The following GRIK1 variants were observed in gnomAD, a reference collection of about 807,000 sequenced individuals.
The protein encoded by GRIK1 is glutamate receptor ionotropic, kainate 1.
Under a neutral mutation model 105.7 loss-of-function variants are expected in GRIK1, and 69 were observed. The ratio of observed to expected loss-of-function variants is 0.65; its 90% confidence interval spans 0.54 to 0.80. The LOEUF (loss-of-function observed/expected upper bound fraction) is 0.80, where lower values mean the gene tolerates loss of function less well. Ranked by LOEUF, GRIK1 falls within the 30% of genes least tolerant of loss-of-function variation. The pLI, the probability that GRIK1 is intolerant of heterozygous loss-of-function variation, is 0.00. For synonymous variants in GRIK1, 438 were observed against 431.3 expected, an observed-to-expected ratio of 1.02 and a Z score of -0.19; for missense variants, 1,109 against 1,167.3, an observed-to-expected ratio of 0.95 and a Z score of 0.73.
chr21:29,836,722 T>G (rs949498928), intron 1 of GRIK1, among the ~76,000 whole-genome samples: 5 of 152,210 alleles, frequency 3.3e-5, no homozygotes, highest in African/African-American at 9.6e-5. Context: ...TCTCACATCA[T>G]GAGAAATCAG....
rs1402762027 is a variant in GRIK1, at chr21:29,767,884, GTGTGTGTGTGTGTGTGTGTA to G, written c.119-73841_119-73822del. Among the ~76,000 whole-genome samples the G allele has an allele frequency of 1.8e-4, 28 of 151,514 alleles. No homozygotes were observed. The East Asian group carries it at 5.4e-3, about 29-fold the overall frequency. ...AATTCATGTGTGTGTGTGTGTGTGT[GTGTGTGTGTGTGTGTGTGTA>G]TGTATTCCATGTAATGGAAAGACAA... is the stretch of plus-strand genomic sequence containing the variant. On this transcript the variant is annotated intron_variant, in intron 1 of 17. Transcript: ENST00000327783.
At position 29,821,133 on chromosome 21, in the gene GRIK1, G is replaced by C. The variant is rs201586862; in HGVS notation, c.118+118250C>G. Among the ~76,000 whole-genome samples, 44 of 151,610 alleles carry C rather than the reference G, an allele frequency of 2.9e-4. 1 individual carries two copies. In the East Asian group the frequency reaches 8.2e-3, roughly 28 times the overall value. On this transcript the variant is annotated intron_variant, in intron 1 of 17. Coordinates refer to ENST00000327783, the MANE Select transcript of GRIK1 (RefSeq NM_001330994.2). ...TCCTAACAGCCTACTGTTGACCAAAGGCCTTGCCCATAATATAAATGATTG... is the reference window on the plus strand; with the variant it reads ...TCCTAACAGCCTACTGTTGACCAAACGCCTTGCCCATAATATAAATGATTG...
At chr21:29,926,949 C>A (rs2071390123) in intron 1 of GRIK1, among the ~76,000 whole-genome samples, 1 of 152,220 alleles carries the variant, frequency 6.6e-6, no homozygotes, top group South Asian at 2.1e-4. Context: ...TTAATTGGAG[C>A]CTGGATGATA....
At chr21:29,661,590 A>G (rs954766098) in intron 4 of GRIK1, among the ~76,000 whole-genome samples, 3 of 152,250 alleles carry the variant, frequency 2.0e-5, no homozygotes, top group Non-Finnish European at 4.4e-5. Context: ...TTCCAAAAGG[A>G]AAGCAGACCT....
At chr21:29,605,004 T>A (rs1353562482) in intron 7 of GRIK1, among the ~76,000 whole-genome samples, 4 of 152,212 alleles carry the variant, frequency 2.6e-5, no homozygotes, top group Non-Finnish European at 4.4e-5. Context: ...CTTAATGTCA[T>A]TAGTTAAAAT....
At chr21:29,728,796 TA>T (rs779083703) in intron 1 of GRIK1, among the ~76,000 whole-genome samples, 12 of 152,120 alleles carry the variant, frequency 7.9e-5, no homozygotes, top group South Asian at 4.2e-4. Flanking sequence ...ATAAACAGAA[TA>T]AATACATAAA....
At chr21:29,583,887 A>G (rs930064533) in intron 12 of GRIK1, among the ~76,000 whole-genome samples, 2 of 152,164 alleles carry the variant, frequency 1.3e-5, no homozygotes, top group Non-Finnish European at 2.9e-5. Context: ...CAGTGTCAGT[A>G]TTAGGAAGTC....
chr21:29,749,582 G>C (rs143903558), intron 1 of GRIK1, among the ~76,000 whole-genome samples: 127 of 152,268 alleles, frequency 8.3e-4, no homozygotes, highest in African/African-American at 3.0e-3. Context: ...CTCCTCTTCT[G>C]TACCATTTCT....
chr21:29,671,698 A>C lies in GRIK1; in HGVS notation c.726+1285T>G, dbSNP rs2063163885. ...ACAACATAGCAACCCCAGACCTTTAAACAAAGGAGTGCAATACAGCTTGTG... is the reference window on the plus strand; with the variant it reads ...ACAACATAGCAACCCCAGACCTTTACACAAAGGAGTGCAATACAGCTTGTG... On this transcript the variant is annotated intron_variant, in intron 4 of 17. Coordinates refer to ENST00000327783, the MANE Select transcript of GRIK1 (RefSeq NM_001330994.2). 2.6e-5 allele frequency among the ~76,000 whole-genome samples: 4 copies of C among 152,300 alleles called. No homozygotes were observed. In the South Asian group the frequency reaches 8.3e-4, roughly 32 times the overall value.
At chr21:29,839,326 A>G (rs2067908505) in intron 1 of GRIK1, among the ~76,000 whole-genome samples, 5 of 152,330 alleles carry the variant, frequency 3.3e-5, no homozygotes, top group Admixed American at 3.3e-4. Flanking sequence ...CTGGGATTAC[A>G]GGCATGAGCC....
At chr21:29,817,300 T>C (rs1033860311) in intron 1 of GRIK1, among the ~76,000 whole-genome samples, 7 of 151,762 alleles carry the variant, frequency 4.6e-5, no homozygotes, top group African/African-American at 1.7e-4. Flanking sequence ...AATTATAGAG[T>C]GAAAAATTAT....
At chr21:29,662,931 CT>C (rs763379051) in intron 4 of GRIK1, among the ~76,000 whole-genome samples, 2 of 152,122 alleles carry the variant, frequency 1.3e-5, no homozygotes, top group Admixed American at 6.6e-5. Flanking sequence ...CCAGGTGATA[CT>C]TATGTACAGC....
rs1568815488 is a variant in GRIK1 at position 29,560,519 on chromosome 21, C to CTTTCTTTCTTTCTTTCTTTCTTTCTTT, written c.2356+1104_2356+1105insAAAGAAAGAAAGAAAGAAAGAAAGAAA. Among the ~76,000 whole-genome samples, 12 of 57,828 alleles carry CTTTCTTTCTTTCTTTCTTTCTTTCTTT rather than the reference C, an allele frequency of 2.1e-4. 1 individual carries two copies. The highest frequency in any genetic ancestry group is 5.5e-4 in the South Asian group (1 of 1,828). The allele number at this position is 57,828 out of a possible 152,430, so 37.9% of individuals were successfully genotyped here. A position where few individuals can be genotyped will look rare whatever the true frequency, so the allele number is the denominator to read the frequency against. ...TCTTTCCTTCCTTCCTTCCTTCCTT[C>CTTTCTTTCTTTCTTTCTTTCTTTCTTT]CTTTCTTTCTTTCTTTCTTTCTTTC... is the stretch of plus-strand genomic sequence containing the variant. On this transcript the variant is annotated intron_variant, in intron 15 of 17. Coordinates refer to ENST00000327783, the MANE Select transcript of GRIK1 (RefSeq NM_001330994.2).
chr21:29,933,872 T>C (rs2071656016), intron 1 of GRIK1, among the ~76,000 whole-genome samples: 2 of 152,152 alleles, frequency 1.3e-5, no homozygotes, highest in Admixed American at 1.3e-4. Flanking sequence ...TAAATACCTT[T>C]TGGAAAATTT....
intron 1 of GRIK1, among the ~76,000 whole-genome samples, chr21:29,721,691 A>G (rs546240197): frequency 6.6e-6 from 1 of 152,314 alleles, no homozygotes; most frequent in East Asian, 1.9e-4. Context: ...ACAAAAAACT[A>G]CCTTAGAAGC....
At chr21:29,660,497 G>A (rs1229150248) in intron 4 of GRIK1, among the ~76,000 whole-genome samples, 1 of 152,160 alleles carries the variant, frequency 6.6e-6, no homozygotes, top group Admixed American at 6.5e-5. Context: ...GCAGAGCTAT[G>A]GAGACAGCAA....
At chr21:29,643,362 A>G (rs1379057443) in intron 6 of GRIK1, among the ~76,000 whole-genome samples, 2 of 152,244 alleles carry the variant, frequency 1.3e-5, no homozygotes, top group Admixed American at 1.3e-4. Context: ...GCATTTGTCT[A>G]TATCTATTTA....
intron 1 of GRIK1, among the ~76,000 whole-genome samples, chr21:29,830,322 C>A (rs866197459): frequency 4.2e-5 from 5 of 120,226 alleles, no homozygotes; most frequent in African/African-American, 1.4e-4. Context: ...CACACACACA[C>A]ACACACACAC....
At chr21:29,733,583 T>C (rs142046326) in intron 1 of GRIK1, among the ~76,000 whole-genome samples, 1 of 152,292 alleles carries the variant, frequency 6.6e-6, no homozygotes, top group East Asian at 1.9e-4. Flanking sequence ...ATTATATTCA[T>C]TAAACTAAAA....
Sources: allele counts gnomAD v4.1 joint callset (sites outside exome capture counted in the v4.1 genomes callset), GRCh38; gene constraint gnomAD v4.1.1; transcripts MANE v1.5; gene names NCBI Gene and HGNC (gene_info 2026-07-23, HGNC 2026-07-21).